The following GLI3 variants were observed in gnomAD, a reference collection of about 807,000 sequenced individuals.
The protein encoded by GLI3 is GLI family zinc finger 3.
In GLI3, 20 loss-of-function variants were observed where a neutral mutation model predicts 100.8. That is an observed-to-expected ratio of 0.20 (90% CI 0.14 to 0.29). The LOEUF (loss-of-function observed/expected upper bound fraction) is 0.29, where lower values mean the gene tolerates loss of function less well. GLI3 is among the 10% of genes least tolerant of loss of function. GLI3 has a pLI of 1.00. For missense variants in GLI3, 2,040 were observed against 2,128.5 expected (o/e 0.96, Z 0.82); for synonymous variants, 938 against 860.5 (o/e 1.09, Z -1.58).
At chr7:42,127,066 A>G (rs569540867) in intron 3 of GLI3, among the ~76,000 whole-genome samples, 1 of 152,278 alleles carries the variant, frequency 6.6e-6, no homozygotes, top group African/African-American at 2.4e-5. Context: ...GGATTTTTTT[A>G]GCTTTCAGTT....
At chr7:42,218,079 C>T (rs1788412271) in intron 2 of GLI3, among the ~76,000 whole-genome samples, 1 of 152,150 alleles carries the variant, frequency 6.6e-6, no homozygotes, top group Non-Finnish European at 1.5e-5. Flanking sequence ...GATCCCAGAA[C>T]CTGTGTGTGC....
At chr7:42,074,182 C>T (rs564584552) in intron 4 of GLI3, among the ~76,000 whole-genome samples, 94 of 152,312 alleles carry the variant, frequency 6.2e-4, no homozygotes, top group African/African-American at 2.1e-3. Flanking sequence ...CTTACATGAA[C>T]ATTATTTCAT....
At chr7:42,086,817 C>T (rs748547257) in intron 3 of GLI3, among the ~76,000 whole-genome samples, 2 of 152,174 alleles carry the variant, frequency 1.3e-5, no homozygotes, top group Non-Finnish European at 2.9e-5. Flanking sequence ...CGCATCATGT[C>T]CTCCCCACTG....
chr7:42,242,983 G>A (rs867243544), intron 1 of GLI3, among the ~76,000 whole-genome samples: 2 of 152,156 alleles, frequency 1.3e-5, no homozygotes, highest in South Asian at 2.1e-4. Flanking sequence ...AGTACCCCTG[G>A]GAAAAGGGCA....
At chr7:42,128,774 G>A (rs550200855) in intron 3 of GLI3, among the ~76,000 whole-genome samples, 2 of 152,150 alleles carry the variant, frequency 1.3e-5, no homozygotes, top group African/African-American at 4.8e-5. Context: ...GTGATGGTAG[G>A]AATGGAAGTC....
intron 10 of GLI3, among the ~76,000 whole-genome samples, chr7:42,018,873 T>A (rs1479343152): frequency 6.6e-6 from 1 of 152,088 alleles, no homozygotes; most frequent in Non-Finnish European, 1.5e-5. Flanking sequence ...TGAAGCTGGG[T>A]GCTAACAGAA....
intron 3 of GLI3, among the ~76,000 whole-genome samples, chr7:42,143,915 G>T (rs1234028886): frequency 6.6e-6 from 1 of 152,168 alleles, no homozygotes; most frequent in Non-Finnish European, 1.5e-5. Context: ...GCATCTTTCT[G>T]CTCCCTTTAC....
At chr7:42,207,077 G>A (rs1440530345) in intron 2 of GLI3, among the ~76,000 whole-genome samples, 2 of 152,178 alleles carry the variant, frequency 1.3e-5, no homozygotes, top group Non-Finnish European at 2.9e-5. Flanking sequence ...TGAGAAGCAA[G>A]TCTATACAAC....
chr7:42,179,311 G>T (rs142982007), intron 2 of GLI3, among the ~76,000 whole-genome samples: 29 of 151,834 alleles, frequency 1.9e-4, no homozygotes, highest in African/African-American at 6.8e-4. Flanking sequence ...CCAGTCGTGG[G>T]TATGTCTGTA....
rs753263825 is a variant in GLI3 at position 42,076,765 on chromosome 7, G to T, written c.460C>A (p.Pro154Thr). Residue 154 changes from proline (P) to threonine (T), a missense_variant, in exon 4 of 15, where the codon CCT (proline) becomes ACT (threonine). Pro to Thr is a conservative substitution (Grantham distance 38, BLOSUM62 -1). Transcript: ENST00000395925. ...GTTAATACTTACATATGCAATGGAG[G>T]AATCGGAGATGGATCGTAATGGTAA... ...GRYHYDPSPI[P>T]PLHMTSALSS... 1 of 1,587,582 alleles carries T rather than the reference G, an allele frequency of 6.3e-7. No individual in the cohort carries two copies. Among genetic ancestry groups the T allele is most frequent in the South Asian group, 1.1e-5 (1 of 90,570 alleles).
rs1554337068 is a variant in GLI3, at chr7:42,182,662, A to ATATATATATATACATGTGTGTGTG, written c.125-34195_125-34194insCACACACACATGTATATATATATA. The stretch of plus-strand genomic sequence containing the variant: ...TGTGTGTGTATATATATATATATAT[A>ATATATATATATACATGTGTGTGTG]TATATATATATATATATATACACAT... On this transcript the variant is annotated intron_variant, in intron 2 of 14. Coordinates refer to ENST00000395925, the MANE Select transcript of GLI3 (RefSeq NM_000168.6). Among the ~76,000 whole-genome samples, 303 of 76,670 alleles carry ATATATATATATACATGTGTGTGTG rather than the reference A, an allele frequency of 4.0e-3. 4 individuals carry two copies. Among genetic ancestry groups the ATATATATATATACATGTGTGTGTG allele is most frequent in the South Asian group, 7.5e-3 (16 of 2,124 alleles). 50.3% of individuals were successfully genotyped at this position (76,670 alleles called of 152,430 possible).
rs77583927 is a variant in GLI3, at chr7:42,050,683, C to T, written c.474-1987G>A. On this transcript the variant is annotated intron_variant, in intron 4 of 14. Transcript: ENST00000395925. ...CTGTTTCAAGAAAGCCATGAGATGA[C>T]GCCTCCTGGGCCAGCTTTTGCAATC... Among the ~76,000 whole-genome samples the T allele has an allele frequency of 6.8e-3, 1,041 of 152,330 alleles. 17 individuals are homozygous for T. Among genetic ancestry groups the T allele is most frequent in the African/African-American group, 0.023 (969 of 41,568 alleles).
chr7:42,252,914 A>T (rs1307212517), intron 1 of GLI3, among the ~76,000 whole-genome samples: 1 of 152,226 alleles, frequency 6.6e-6, no homozygotes, highest in African/African-American at 2.4e-5. Context: ...TAAAACATTT[A>T]AAATGTTTTA....
chr7:42,026,036 G>A (rs1036633167), intron 8 of GLI3, among the ~76,000 whole-genome samples, 163 bp downstream of exon 8: 10 of 152,196 alleles, frequency 6.6e-5, no homozygotes, highest in South Asian at 2.1e-4. Context: ...TACACAACAC[G>A]TCCACCAAAA....
chr7:41,987,054 G>A (rs1787845205), intron 10 of GLI3, among the ~76,000 whole-genome samples: 1 of 150,662 alleles, frequency 6.6e-6, no homozygotes. Context: ...GCACAAGACT[G>A]CATCTTAATC....
At chr7:42,040,680 A>T (rs902924323) in intron 6 of GLI3, among the ~76,000 whole-genome samples, 11 of 152,104 alleles carry the variant, frequency 7.2e-5, no homozygotes, top group Admixed American at 7.2e-4. Context: ...AAATGAATTA[A>T]AGTATCCTAA....
chr7:42,003,868 C>T (rs949386645), intron 10 of GLI3, among the ~76,000 whole-genome samples: 1 of 151,828 alleles, frequency 6.6e-6, no homozygotes, highest in Non-Finnish European at 1.5e-5. Flanking sequence ...CAAAGCAGCA[C>T]AAAAAATGAA....
intron 10 of GLI3, among the ~76,000 whole-genome samples, chr7:42,007,838 G>A (rs1788499597): frequency 6.6e-6 from 1 of 152,112 alleles, no homozygotes; most frequent in African/African-American, 2.4e-5. Context: ...GGAACTCAGA[G>A]GTTCACCCTT....
intron 3 of GLI3, among the ~76,000 whole-genome samples, chr7:42,099,607 G>A (rs768473317): frequency 2.0e-4 from 30 of 152,086 alleles, no homozygotes; most frequent in Non-Finnish European, 4.0e-4. Flanking sequence ...GCAGAGGTGC[G>A]ATCACAGCTC....
Sources: allele counts gnomAD v4.1 joint callset (sites outside exome capture counted in the v4.1 genomes callset), GRCh38; gene constraint gnomAD v4.1.1; transcripts MANE v1.5; gene names NCBI Gene and HGNC (gene_info 2026-07-23, HGNC 2026-07-21).